Variants in AGAP1 observed in about 807,000 individuals in gnomAD.
AGAP1 encodes ArfGAP with GTPase domain, ankyrin repeat and PH domain 1, also known as arf-GAP with GTPase, ANK repeat and PH domain-containing protein 1.
A neutral mutation model predicts 105.3 loss-of-function variants in AGAP1; 29 were observed. That is an observed-to-expected ratio of 0.28 (90% CI 0.21 to 0.38). The LOEUF (loss-of-function observed/expected upper bound fraction) is 0.38, where lower values mean the gene tolerates loss of function less well. AGAP1 is among the 10% of genes least tolerant of loss of function. The pLI is 1.00. For synonymous variants in AGAP1, 509 were observed against 485.9 expected (o/e 1.05, Z -0.63); for missense variants, 998 against 1,165.1 (o/e 0.86, Z 2.09).
intron 1 of AGAP1, among the ~76,000 whole-genome samples, chr2:235,653,070 G>C (rs926952639): frequency 1.2e-4 from 18 of 152,196 alleles, no homozygotes; most frequent in African/African-American, 4.3e-4. Context: ...AGGCTTTGCT[G>C]TCTGGCCTTG....
intron 9 of AGAP1, among the ~76,000 whole-genome samples, chr2:235,822,836 C>T (rs2106296487): frequency 6.6e-6 from 1 of 152,278 alleles, no homozygotes; most frequent in East Asian, 1.9e-4. Flanking sequence ...AGAGGGGCTT[C>T]CTGGTCGTGG....
intron 1 of AGAP1, among the ~76,000 whole-genome samples, chr2:235,533,726 T>A (rs919071585): frequency 1.3e-5 from 2 of 152,214 alleles, no homozygotes; most frequent in African/African-American, 2.4e-5. Flanking sequence ...GTGTTGGGAT[T>A]TTCTCATGTG....
chr2:235,702,470 A>C (rs1451793313), intron 1 of AGAP1, among the ~76,000 whole-genome samples: 1 of 152,170 alleles, frequency 6.6e-6, no homozygotes, highest in Non-Finnish European at 1.5e-5. Flanking sequence ...TCCTCATCTC[A>C]GGTCCAGAAT....
At chr2:236,106,998 G>GA (rs2059513309) in intron 16 of AGAP1, among the ~76,000 whole-genome samples, 1 of 152,156 alleles carries the variant, frequency 6.6e-6, no homozygotes, top group Non-Finnish European at 1.5e-5. Flanking sequence ...GGCTCAATGA[G>GA]AGAGCACCCT....
In AGAP1 at chr2:235,753,265, T is replaced by C. The variant is rs1953610286; in HGVS notation, c.673+2777T>C. ...AGGACTGATATTTCTAAATATTAGT[T>C]TAAAATATTCAGAAAAAGCGTTTCC... On this transcript the variant is annotated intron_variant, in intron 6 of 17. Transcript: ENST00000304032. The surrounding 1 kb of genome is among the most constrained non-coding windows in gnomAD (Gnocchi z 4.5). Among the ~76,000 whole-genome samples the C allele has an allele frequency of 6.6e-6, 1 of 152,152 alleles. No individual in the cohort carries two copies. The highest frequency in any genetic ancestry group is 2.4e-5 in the African/African-American group (1 of 41,420).
chr2:235,910,930 T>C (rs1242759242), intron 11 of AGAP1, among the ~76,000 whole-genome samples: 4 of 151,614 alleles, frequency 2.6e-5, no homozygotes, highest in Admixed American at 2.0e-4. Context: ...AAAAAAAATC[T>C]ATCAAGCACC....
chr2:235,896,306 A>G (rs541395076), intron 10 of AGAP1, among the ~76,000 whole-genome samples: 1 of 152,324 alleles, frequency 6.6e-6, no homozygotes, highest in South Asian at 2.1e-4. Flanking sequence ...GCTGAGTAAT[A>G]TTCCGTCATA....
intron 13 of AGAP1, among the ~76,000 whole-genome samples, chr2:236,034,002 T>C (rs527480304): frequency 7.8e-4 from 119 of 152,306 alleles, no homozygotes; most frequent in African/African-American, 2.8e-3. Context: ...TAATGAAAAA[T>C]TGTCACATCC....
At chr2:235,854,962 G>GT (rs920257836) in intron 9 of AGAP1, among the ~76,000 whole-genome samples, 1 of 152,196 alleles carries the variant, frequency 6.6e-6, no homozygotes, top group African/African-American at 2.4e-5. Context: ...CGTAGACTTT[G>GT]TGAGAGGGAG....
At chr2:235,627,311 A>G (rs1437619688) in intron 1 of AGAP1, among the ~76,000 whole-genome samples, 14 of 143,926 alleles carry the variant, frequency 9.7e-5, no homozygotes, top group Admixed American at 3.7e-4. Flanking sequence ...TGCAACCTCT[A>G]CCTCCCGAGT....
Position 235,968,627 on chromosome 2 carries a change from AG to A in AGAP1, c.1645+7del. 1 of 1,602,986 alleles carries A rather than the reference AG, an allele frequency of 6.2e-7. No individual in the cohort carries two copies. Among genetic ancestry groups the A allele is most frequent in the Non-Finnish European group, 8.5e-7 (1 of 1,176,420 alleles). On this transcript the variant is annotated splice_donor_5th_base_variant and intron_variant, in intron 13 of 17. Transcript: ENST00000304032. Reference sequence around the variant, plus strand: ...GGCCTGTCCGGCACTGCTGAAGGTAAGGGTTCCGCGGTGCCCCGGGAGAGAG... The same window carrying A: ...GGCCTGTCCGGCACTGCTGAAGGTAAGGTTCCGCGGTGCCCCGGGAGAGAG...
In AGAP1 at chr2:236,007,836, G is replaced by A. The variant is rs1576040572; in HGVS notation, c.1646-28725G>A. Among the ~76,000 whole-genome samples the A allele has an allele frequency of 3.3e-5, 5 of 152,356 alleles. No individual in the cohort carries two copies. The South Asian group carries it at 8.3e-4, about 25-fold the overall frequency. Reference sequence around the variant, plus strand: ...CCCAGCCTGCTATCCGCTTCACAGAGCAGCGAGCCAGTCCTTGGAGAGGGG... The same window carrying A: ...CCCAGCCTGCTATCCGCTTCACAGAACAGCGAGCCAGTCCTTGGAGAGGGG... On this transcript the variant is annotated intron_variant, in intron 13 of 17. Transcript: ENST00000304032.
chr2:235,723,348 G>C lies in AGAP1; in HGVS notation c.310+5704G>C, dbSNP rs564621455. On this transcript the variant is annotated intron_variant, in intron 3 of 17. Coordinates refer to ENST00000304032, the MANE Select transcript of AGAP1 (RefSeq NM_001037131.3). This position sits in a 1 kb window ranked among gnomAD's most constrained non-coding sequence, Gnocchi z 6.2. ...CACAGACCCCACATGATGCCACTCA[G>C]CTTTTAACTCTCCTTTCAAAAGAGA... 5.9e-5 allele frequency among the ~76,000 whole-genome samples: 9 copies of C among 152,146 alleles called. No individual in the cohort carries two copies. The highest frequency in any genetic ancestry group is 1.3e-4 in the Non-Finnish European group (9 of 68,024).
intron 9 of AGAP1, among the ~76,000 whole-genome samples, chr2:235,838,760 G>GT (rs1183407785): frequency 2.6e-5 from 4 of 152,182 alleles, no homozygotes; most frequent in Admixed American, 2.6e-4. Context: ...CTTTCCATGT[G>GT]TTACATCCAT....
intron 1 of AGAP1, among the ~76,000 whole-genome samples, chr2:235,590,671 G>GTGTA (rs1247440790): frequency 1.0e-5 from 1 of 100,478 alleles, no homozygotes; most frequent in African/African-American, 4.4e-5. Context: ...TTTAATGTGT[G>GTGTA]TGTGTGTGTG....
At chr2:235,784,687 T>C (rs1956507788) in intron 6 of AGAP1, among the ~76,000 whole-genome samples, 1 of 151,732 alleles carries the variant, frequency 6.6e-6, no homozygotes. Flanking sequence ...AAAATTTACC[T>C]GGTTTATATG....
chr2:235,840,114 T>C (rs1960639181), intron 9 of AGAP1, among the ~76,000 whole-genome samples: 1 of 152,220 alleles, frequency 6.6e-6, no homozygotes, highest in African/African-American at 2.4e-5. Flanking sequence ...GGTTTCTGTT[T>C]TTCCCCTCCT....
At chr2:235,969,506 G>T (rs1473572044) in intron 13 of AGAP1, among the ~76,000 whole-genome samples, 1 of 152,150 alleles carries the variant, frequency 6.6e-6, no homozygotes, top group Non-Finnish European at 1.5e-5. Flanking sequence ...CTTCAGTGAG[G>T]GTCTCATGCC....
chr2:235,686,643 ATAGATATATATATATATATATATTTT>A (rs1949439628), intron 1 of AGAP1, among the ~76,000 whole-genome samples: 1 of 39,136 alleles, frequency 2.6e-5, no homozygotes, highest in African/African-American at 1.3e-4. Context: ...ATATATATAT[ATAGATATATATATATATATATATTTT>A]TTTTTTTTTT....
Sources: allele counts gnomAD v4.1 joint callset (sites outside exome capture counted in the v4.1 genomes callset), GRCh38; gene constraint gnomAD v4.1.1; non-coding constraint Gnocchi (gnomAD v3.1); transcripts MANE v1.5; gene names NCBI Gene and HGNC (gene_info 2026-07-23, HGNC 2026-07-21).